MRPS9: variants seen among roughly 807,000 people sequenced by gnomAD.
MRPS9 encodes small ribosomal subunit protein uS9m.
A neutral mutation model predicts 59.9 loss-of-function variants in MRPS9; 45 were observed. The observed-to-expected ratio is 0.75, with a 90% CI of 0.59 to 0.96. The LOEUF is 0.96. Among genes scored for constraint, MRPS9 ranks in the 40% least tolerant of loss-of-function variants. The pLI, the probability that MRPS9 is intolerant of heterozygous loss-of-function variation, is 0.00. For missense variants in MRPS9, 473 were observed against 481.1 expected (o/e 0.98, Z 0.16); for synonymous variants, 171 against 166.8 (o/e 1.03, Z -0.19).
chr2:105,099,095 T>G (rs79162945), intron 10 of MRPS9, among the ~76,000 whole-genome samples: 2,077 of 152,250 alleles, frequency 0.014, 51 homozygotes, highest in African/African-American at 0.048. Flanking sequence ...ATTTTTTAGA[T>G]TCTAAAACAA....
chr2:105,067,738 G>C (rs528799888), intron 2 of MRPS9, among the ~76,000 whole-genome samples: 1 of 146,740 alleles, frequency 6.8e-6, no homozygotes, highest in African/African-American at 2.5e-5. Flanking sequence ...CCCTTCTCCT[G>C]AGTGTGTGTG....
intron 1 of MRPS9, among the ~76,000 whole-genome samples, 170 bp from the exon 2 acceptor site, chr2:105,049,001 C>T (rs1018048205): frequency 6.6e-6 from 1 of 151,902 alleles, no homozygotes; most frequent in Non-Finnish European, 1.5e-5. Flanking sequence ...GGGACACATT[C>T]TAACAACTTT....
chr2:105,099,475 G>A (rs1338666741), intron 10 of MRPS9, among the ~76,000 whole-genome samples, 195 bp from the exon 11 acceptor site: 3 of 152,150 alleles, frequency 2.0e-5, no homozygotes, highest in Admixed American at 2.0e-4. Flanking sequence ...CTCAGAGGTT[G>A]GAAAAATATC....
intron 2 of MRPS9, among the ~76,000 whole-genome samples, chr2:105,050,593 A>G (rs1679694322): frequency 6.6e-6 from 1 of 152,236 alleles, no homozygotes; most frequent in Admixed American, 6.5e-5. Context: ...ATAAAATACC[A>G]TGAGATGTTA....
intron 9 of MRPS9, among the ~76,000 whole-genome samples, chr2:105,095,817 C>CT (rs1052399032): frequency 4.4e-4 from 64 of 146,526 alleles, no homozygotes; most frequent in South Asian, 1.3e-3. Flanking sequence ...TTTATATTTA[C>CT]TTTTTTTTTT....
chr2:105,097,979 T>G (rs1680703175), intron 10 of MRPS9, among the ~76,000 whole-genome samples: 1 of 152,228 alleles, frequency 6.6e-6, no homozygotes, highest in Non-Finnish European at 1.5e-5. Context: ...TTACGTAGCA[T>G]GAGCTACCAC....
Position 105,071,356 on chromosome 2 carries a change from G to A in MRPS9, c.359G>A (p.Arg120Gln), listed in dbSNP as rs374087859. 1.1e-5 allele frequency: 17 copies of A among 1,609,700 alleles called. No homozygotes were observed. Among genetic ancestry groups the A allele is most frequent in the Admixed American group, 1.7e-5 (1 of 59,984 alleles). ...YLFPSGLFEKRARPVMKHPEQ... is the reference protein window; with the variant it reads ...YLFPSGLFEKQARPVMKHPEQ... ...TTCCCAAGTGGTTTGTTTGAGAAAC[G>A]AGCCAGGCCAGTAATGAAGGTAGTT... Residue 120 changes from arginine (R) to glutamine (Q), a missense_variant, in exon 3 of 11, where the codon CGA becomes CAA. Arg to Gln is a conservative substitution (Grantham distance 43, BLOSUM62 1). Transcript: ENST00000258455.
intron 2 of MRPS9, among the ~76,000 whole-genome samples, chr2:105,062,680 C>T (rs1385805726): frequency 1.3e-5 from 2 of 152,122 alleles, no homozygotes; most frequent in Non-Finnish European, 2.9e-5. Context: ...TAGTACAGTG[C>T]TGAGTTGCAT....
intron 2 of MRPS9, among the ~76,000 whole-genome samples, chr2:105,052,290 T>C (rs1679726155): frequency 6.6e-6 from 1 of 152,228 alleles, no homozygotes. Flanking sequence ...AGTAAGTTTT[T>C]TTCCATACCT....
chr2:105,096,581 G>A (rs1373104740), intron 9 of MRPS9, among the ~76,000 whole-genome samples: 1 of 152,140 alleles, frequency 6.6e-6, no homozygotes, highest in Non-Finnish European at 1.5e-5. Context: ...GAAGGTAGCA[G>A]GACCCTATGA....
rs763693548 is a variant in MRPS9, at chr2:105,038,098, G to A, written c.6G>A (p.Ala2=). 3.7e-6 allele frequency: 6 copies of A among 1,613,758 alleles called. No homozygotes were observed. The highest frequency in any genetic ancestry group is 5.1e-6 in the Non-Finnish European group (6 of 1,179,988). M[A]APCVSYGGAV... ...CTGGAGCTCCCACAGCTAACATGGCGGCGCCCTGTGTGTCCTACGGCGGAG... is the reference window on the plus strand; with the variant it reads ...CTGGAGCTCCCACAGCTAACATGGCAGCGCCCTGTGTGTCCTACGGCGGAG... The change falls in exon 1 of 11, where the codon GCG becomes GCA. Residue 2 remains alanine (A), a synonymous_variant. Coordinates refer to ENST00000258455, the MANE Select transcript of MRPS9 (RefSeq NM_182640.3).
At position 105,093,596 on chromosome 2, in the gene MRPS9, A is replaced by G. The variant is rs1456501300; in HGVS notation, c.887A>G (p.Asn296Ser). Residue 296 changes from asparagine (N) to serine (S), a missense_variant, in exon 9 of 11, where the codon AAT becomes AGT. Transcript: ENST00000258455. ...YKHGSGRIKV[N>S]GIDYQLYFPI... is the part of the protein sequence containing the mutation. ...CATGGAAGTGGAAGAATAAAAGTAA[A>G]TGGAATTGATTACCAGCTTTACTTC... is the stretch of plus-strand genomic sequence containing the variant. The G allele has an allele frequency of 4.4e-6, 7 of 1,607,404 alleles. No individual in the cohort carries two copies. In the South Asian group the frequency reaches 4.5e-5, roughly 10 times the overall value.
In MRPS9 at chr2:105,092,472, G is replaced by A. The variant is rs115050163; in HGVS notation, c.723G>A (p.Val241=). 994 of 1,613,932 alleles carry A rather than the reference G, an allele frequency of 6.2e-4. 4 individuals carry two copies. In the African/African-American group the frequency reaches 0.011, roughly 19 times the overall value. ...GTGGTGCTGCTGAGGAAGAATTTGT[G>A]CAGAGGTTTCGAAGAAGTGTAACTC... ...SQCGAAEEEF[V]QRFRRSVTLE... The change falls in exon 8 of 11, where the codon GTG becomes GTA. Residue 241 remains valine (V), a synonymous_variant. Coordinates refer to ENST00000258455, the MANE Select transcript of MRPS9 (RefSeq NM_182640.3).
At chr2:105,087,107 G>A (rs1228068998) in intron 5 of MRPS9, among the ~76,000 whole-genome samples, 1 of 152,162 alleles carries the variant, frequency 6.6e-6, no homozygotes, top group African/African-American at 2.4e-5. Flanking sequence ...GAGATAAATT[G>A]TAAACTTTTA....
chr2:105,040,424 C>A (rs560600307), intron 1 of MRPS9, among the ~76,000 whole-genome samples: 2 of 152,230 alleles, frequency 1.3e-5, no homozygotes, highest in South Asian at 4.1e-4. Context: ...AAGTGCATTT[C>A]ATGCAGAGTA....
chr2:105,096,901 G>C (rs895054280), intron 9 of MRPS9, among the ~76,000 whole-genome samples: 4 of 152,036 alleles, frequency 2.6e-5, no homozygotes, highest in African/African-American at 9.7e-5. Flanking sequence ...TGAGATAAAG[G>C]GGATCAGCAA....
intron 2 of MRPS9, among the ~76,000 whole-genome samples, chr2:105,060,346 A>G (rs991722840): frequency 1.3e-5 from 2 of 152,140 alleles, no homozygotes; most frequent in African/African-American, 2.4e-5. Context: ...TAGTGGTGCA[A>G]TCTCAGCTCA....
In MRPS9 at chr2:105,089,923, C is replaced by T. The variant is rs770843495; in HGVS notation, c.579C>T (p.Asp193=). 96 of 1,603,894 alleles carry T rather than the reference C, an allele frequency of 6.0e-5. No individual in the cohort carries two copies. Among genetic ancestry groups the T allele is most frequent in the Non-Finnish European group, 7.1e-5 (83 of 1,172,654 alleles). ...AATATATGTGATATTTTAACAGAGA[C>T]GTGATTGGCAGCAGATGGCTGATTA... The part of the protein sequence containing the change: ...SLLPEKTVTR[D]VIGSRWLIKE... Residue 193 remains aspartate, a synonymous_variant, in exon 7 of 11, where the codon GAC becomes GAT. Coordinates refer to ENST00000258455, the MANE Select transcript of MRPS9 (RefSeq NM_182640.3).
intron 2 of MRPS9, among the ~76,000 whole-genome samples, chr2:105,065,164 AAT>A (rs1424756056): frequency 7.2e-5 from 11 of 152,244 alleles, no homozygotes; most frequent in African/African-American, 2.7e-4. Flanking sequence ...TTAGGTAAAT[AAT>A]CTATTTCTTT....
Sources: gnomAD v4.1 joint callset for allele counts (sites outside exome capture counted in the v4.1 genomes callset) on GRCh38, gnomAD v4.1.1 for gene constraint, MANE v1.5 for transcripts, NCBI Gene and HGNC (gene_info 2026-07-23, HGNC 2026-07-21) for gene names.